FLT4: variants seen among roughly 807,000 people sequenced by gnomAD.
FLT4 encodes vascular endothelial growth factor receptor 3.
FLT4 carries 30 observed loss-of-function variants against 163.2 expected under a neutral mutation model. The observed-to-expected ratio is 0.18, with a 90% CI of 0.14 to 0.25. The LOEUF is 0.25. Among genes scored for constraint, FLT4 ranks in the 10% least tolerant of loss-of-function variants. The pLI, the probability that FLT4 is intolerant of heterozygous loss-of-function variation, is 1.00. For missense variants in FLT4, 1,510 were observed against 1,863.8 expected, an observed-to-expected ratio of 0.81 and a Z score of 3.50; for synonymous variants, 884 against 789.5, an observed-to-expected ratio of 1.12 and a Z score of -2.01.
At chr5:180,625,310 A>G (rs1313231104) in intron 10 of FLT4, among the ~76,000 whole-genome samples, 1 of 152,192 alleles carries the variant, frequency 6.6e-6, no homozygotes, top group East Asian at 1.9e-4. Context: ...GGAGGGGAGC[A>G]CGGCTCAGCA....
chr5:180,615,155 G>A (rs1762547700), intron 23 of FLT4, among the ~76,000 whole-genome samples: 1 of 147,964 alleles, frequency 6.8e-6, no homozygotes, highest in African/African-American at 2.5e-5. Context: ...GGCCCCGCTG[G>A]TCACCTCCCT....
chr5:180,622,543 A>T (rs965493463), intron 12 of FLT4, among the ~76,000 whole-genome samples, 188 bp downstream of exon 12: 7 of 152,152 alleles, frequency 4.6e-5, no homozygotes, highest in Non-Finnish European at 8.8e-5. Flanking sequence ...AGAGGATGCC[A>T]TTCCATCCCA....
chr5:180,619,342 C>T lies in FLT4; in HGVS notation c.2672G>A (p.Arg891His), dbSNP rs768185411. 2.5e-6 allele frequency: 4 copies of T among 1,610,974 alleles called. No homozygotes were observed. The highest frequency in any genetic ancestry group is 3.4e-6 in the Non-Finnish European group (4 of 1,179,450). The change falls in exon 19 of 30, where the codon CGC becomes CAC. Residue 891 changes from arginine to histidine, a missense_variant. This residue lies in a region of FLT4 where 878 missense variants were observed against 1,016.7 expected (regional missense o/e 0.86). Coordinates refer to ENST00000261937, the MANE Select transcript of FLT4 (RefSeq NM_182925.5). ...GATCTTGAGCTCCGACATCAGCGCG[C>T]GGTGCTCGCTGGCCGTGGCGCCCTC... ...LKEGATASEH[R>H]ALMSELKILI...
intron 29 of FLT4, among the ~76,000 whole-genome samples, chr5:180,603,868 C>G (rs184219475): frequency 6.6e-6 from 1 of 151,080 alleles, no homozygotes; most frequent in Non-Finnish European, 1.5e-5. Flanking sequence ...CGCACCACTG[C>G]ACTCCAGCCT....
intron 27 of FLT4, among the ~76,000 whole-genome samples, chr5:180,611,104 G>A (rs1762154538): frequency 6.6e-6 from 1 of 152,162 alleles, no homozygotes; most frequent in Admixed American, 6.5e-5. Context: ...TTGGGGTGAG[G>A]GGACACTGGT....
Position 180,620,682 on chromosome 5 carries a change from A to G in FLT4, c.2333T>C (p.Ile778Thr). 1 of 1,613,508 alleles carries G rather than the reference A, an allele frequency of 6.2e-7. No individual in the cohort carries two copies. Among genetic ancestry groups the G allele is most frequent in the Non-Finnish European group, 8.5e-7 (1 of 1,179,992 alleles). The change falls in exon 16 of 30, where the codon ATC (isoleucine) becomes ACC (threonine). Residue 778 changes from isoleucine to threonine, a missense_variant. Transcript: ENST00000261937. The surrounding 1 kb of genome is among the most constrained non-coding windows in gnomAD (Gnocchi z 4.4). Reference sequence around the variant, plus strand: ...AGCGATGACGCCGGTACCGACAAGGATCACGATCTCCATGCTGCCCTTATC... The same window carrying G: ...AGCGATGACGCCGGTACCGACAAGGGTCACGATCTCCATGCTGCCCTTATC... The part of the protein sequence containing the change: ...SEDKGSMEIV[I>T]LVGTGVIAVF...
intron 12 of FLT4, 42 bp from the exon 13 acceptor site, chr5:180,621,946 T>G (rs1039473790): frequency 6.2e-7 from 1 of 1,609,172 alleles, no homozygotes; most frequent in African/African-American, 1.3e-5. Flanking sequence ...GCCCTGGGAG[T>G]TTGCTCCCCC....
In FLT4 at chr5:180,621,912, G is replaced by A; in HGVS notation, c.1658-8C>T. ...TGAAGCCGTCGGGGATGGCTGTGGA[G>A]GGAGGAAGAAGCCCTGTGGCACTGC... On this transcript the variant is annotated splice_polypyrimidine_tract_variant and splice_region_variant and intron_variant, in intron 12 of 29. Coordinates refer to ENST00000261937, the MANE Select transcript of FLT4 (RefSeq NM_182925.5). 6.2e-7 allele frequency: 1 copy of A among 1,613,208 alleles called. No homozygotes were observed.
chr5:180,647,976 C>A (rs2127876553), intron 1 of FLT4, among the ~76,000 whole-genome samples: 1 of 152,284 alleles, frequency 6.6e-6, no homozygotes, highest in South Asian at 2.1e-4. Context: ...AGCCCCCTTG[C>A]CCTCTGGGCC....
Position 180,606,908 on chromosome 5 carries a change from A to C in FLT4, c.3893+2060T>G, listed in dbSNP as rs553727905. 1.7e-3 allele frequency among the ~76,000 whole-genome samples: 214 copies of C among 128,132 alleles called. 2 individuals are homozygous for C. Among genetic ancestry groups the C allele is most frequent in the African/African-American group, 6.1e-3 (201 of 32,814 alleles). 84.1% of individuals were successfully genotyped at this position (128,132 alleles called of 152,430 possible). On this transcript the variant is annotated intron_variant, in intron 29 of 29. Transcript: ENST00000261937. The stretch of plus-strand genomic sequence containing the variant: ...CCGTCTCTACTAAAAAAAAAAAAAA[A>C]AAAAAAACAAACAAACAAACTTAGC...
chr5:180,644,893 G>C (rs1397865934), intron 1 of FLT4, among the ~76,000 whole-genome samples: 1 of 152,358 alleles, frequency 6.6e-6, no homozygotes, highest in Non-Finnish European at 1.5e-5. Flanking sequence ...CACTGTGAGC[G>C]GGAACGAAGC....
intron 19 of FLT4, 28 bp from the exon 20 acceptor site, chr5:180,619,137 C>A (rs770497466): frequency 6.9e-7 from 1 of 1,451,812 alleles, no homozygotes; most frequent in Non-Finnish European, 9.1e-7. Flanking sequence ...GGCGGCCGTG[C>A]GTTCGGAACC....
At chr5:180,648,536 T>C (rs1241537494) in intron 1 of FLT4, among the ~76,000 whole-genome samples, 1 of 152,176 alleles carries the variant, frequency 6.6e-6, no homozygotes, top group Non-Finnish European at 1.5e-5. Context: ...CTTCAGACAC[T>C]GGAACCCCTG....
At chr5:180,606,217 G>A (rs1761772970) in intron 29 of FLT4, among the ~76,000 whole-genome samples, 1 of 152,172 alleles carries the variant, frequency 6.6e-6, no homozygotes, top group South Asian at 2.1e-4. Context: ...ATACTATCTT[G>A]CTTCCTTAGG....
chr5:180,640,174 G>A lies in FLT4; in HGVS notation c.59-8396C>T, dbSNP rs376141500. 2.8e-4 allele frequency among the ~76,000 whole-genome samples: 42 copies of A among 152,270 alleles called. 1 individual carries two copies. The highest frequency in any genetic ancestry group is 8.7e-4 in the African/African-American group (36 of 41,568). ...TGAGGGCCAGGCAGGGTGGGGGAACGTCCCATGGGTTAGGCACTAGCAGCG... is the reference window on the plus strand; with the variant it reads ...TGAGGGCCAGGCAGGGTGGGGGAACATCCCATGGGTTAGGCACTAGCAGCG... On this transcript the variant is annotated intron_variant, in intron 1 of 29. Coordinates refer to ENST00000261937, the MANE Select transcript of FLT4 (RefSeq NM_182925.5).
In FLT4 at chr5:180,601,958, G is replaced by A. The variant is rs919443418; in HGVS notation, c.*1234C>T. On this transcript the variant is annotated 3_prime_UTR_variant, in exon 30 of 30. Transcript: ENST00000261937. Reference sequence around the variant, plus strand: ...GTCTCCGTGGTCCTAACGTGGGGATGTGGCTCTTTCTCCTGGTGAGATGGT... The same window carrying A: ...GTCTCCGTGGTCCTAACGTGGGGATATGGCTCTTTCTCCTGGTGAGATGGT... The A allele has an allele frequency of 9.0e-5, 21 of 233,616 alleles. No individual in the cohort carries two copies. Among genetic ancestry groups the A allele is most frequent in the Admixed American group, 6.7e-4 (12 of 17,788 alleles). The allele number at this position is 233,616 out of a possible 1,614,324, so 14.5% of individuals were successfully genotyped here.
Position 180,621,535 on chromosome 5 carries a change from G to GCCTCACCCTGCACC in FLT4, c.2013_2020+6dup, listed in dbSNP as rs1372589567. 6.2e-7 allele frequency: 1 copy of GCCTCACCCTGCACC among 1,611,512 alleles called. No homozygotes were observed. Among genetic ancestry groups the GCCTCACCCTGCACC allele is most frequent in the East Asian group, 2.2e-5 (1 of 44,836 alleles). ...CGCGTCCCCGCCCTCCCCGCGGCCAGCCTCACCCTGCACCGACAGGTACTT... is the reference window on the plus strand; with the variant it reads ...CGCGTCCCCGCCCTCCCCGCGGCCAGCCTCACCCTGCACCCCTCACCCTGCACCGACAGGTACTT... On this transcript the variant is annotated splice_region_variant and intron_variant, in intron 13 of 29. Coordinates refer to ENST00000261937, the MANE Select transcript of FLT4 (RefSeq NM_182925.5).
intron 1 of FLT4, among the ~76,000 whole-genome samples, chr5:180,641,168 G>C (rs187252973): frequency 3.3e-5 from 5 of 152,152 alleles, no homozygotes; most frequent in African/African-American, 1.2e-4. Flanking sequence ...CTCTGTGCCC[G>C]GCAAACTGCT....
intron 8 of FLT4, among the ~76,000 whole-genome samples, chr5:180,627,811 G>A (rs892367707): frequency 6.6e-6 from 1 of 152,208 alleles, no homozygotes; most frequent in African/African-American, 2.4e-5. Context: ...GTCTCCAGGA[G>A]CTGTACCCGT....
Sources: allele counts gnomAD v4.1 joint callset (sites outside exome capture counted in the v4.1 genomes callset), GRCh38; gene constraint gnomAD v4.1.1; regional missense constraint gnomAD v4.1.1; non-coding constraint Gnocchi (gnomAD v3.1); transcripts MANE v1.5; gene names NCBI Gene and HGNC (gene_info 2026-07-23, HGNC 2026-07-21).